SMG6: variants seen among roughly 807,000 people sequenced by gnomAD.
The protein encoded by SMG6 is telomerase-binding protein EST1A.
In SMG6, 66 loss-of-function variants were observed where a neutral mutation model predicts 142.2. The observed-to-expected ratio is 0.46, with a 90% confidence interval of 0.38 to 0.57. The LOEUF is 0.57. Among genes scored for constraint, SMG6 ranks in the 20% least tolerant of loss-of-function variants. SMG6 has a pLI of 0.00. For synonymous variants in SMG6, 779 were observed against 702.4 expected (o/e 1.11, Z -1.72); for missense variants, 1,793 against 1,832.0 (o/e 0.98, Z 0.39).
chr17:2,064,379 CA>C lies in SMG6; in HGVS notation c.4129+693del, dbSNP rs574706455. On this transcript the variant is annotated intron_variant, in intron 18 of 18. Coordinates refer to ENST00000263073, the MANE Select transcript of SMG6 (RefSeq NM_017575.5). Reference sequence around the variant, plus strand: ...AGCTCAGGGTTGAGGGTGAGGTGGTCAAGCGCTTGGGTGAGAAACCCAGAGT... The same window carrying C: ...AGCTCAGGGTTGAGGGTGAGGTGGTCAGCGCTTGGGTGAGAAACCCAGAGT... Among the ~76,000 whole-genome samples the C allele has an allele frequency of 8.8e-4, 134 of 152,152 alleles. No individual in the cohort carries two copies. In the Middle Eastern group the frequency reaches 0.01, roughly 12 times the overall value.
At chr17:2,134,996 C>T (rs2070247910) in intron 13 of SMG6, among the ~76,000 whole-genome samples, 2 of 152,146 alleles carry the variant, frequency 1.3e-5, no homozygotes, top group Non-Finnish European at 2.9e-5. Context: ...TCTCCTACCT[C>T]AGGCTCCCGA....
At chr17:2,072,337 A>G (rs888022762) in intron 15 of SMG6, among the ~76,000 whole-genome samples, 6 of 152,172 alleles carry the variant, frequency 3.9e-5, no homozygotes, top group African/African-American at 7.2e-5. Context: ...TTGGAACCCA[A>G]GCAACACACG....
intron 8 of SMG6, among the ~76,000 whole-genome samples, chr17:2,272,677 G>A (rs1248698063): frequency 6.6e-6 from 1 of 152,146 alleles, no homozygotes; most frequent in Non-Finnish European, 1.5e-5. Flanking sequence ...GGTGGCTCAT[G>A]CCTGTAATCC....
chr17:2,162,392 T>C (rs1449842854), intron 13 of SMG6, among the ~76,000 whole-genome samples: 4 of 151,836 alleles, frequency 2.6e-5, no homozygotes, highest in Non-Finnish European at 5.9e-5. Context: ...TGGGCGCCTA[T>C]AGTCCCAGCT....
intron 13 of SMG6, among the ~76,000 whole-genome samples, chr17:2,172,003 T>G (rs2071518167): frequency 6.6e-6 from 1 of 152,222 alleles, no homozygotes; most frequent in Non-Finnish European, 1.5e-5. Context: ...CCCCTACTCT[T>G]TACCTGGCTG....
Position 2,299,932 on chromosome 17 carries a change from G to C in SMG6, c.821C>G (p.Thr274Arg), listed in dbSNP as rs752186162. The change falls in exon 2 of 19, where the codon ACG becomes AGG. Residue 274 changes from threonine to arginine, a missense_variant. This residue lies in a region of SMG6 where 1,597 missense variants were observed against 1,584.6 expected (regional missense o/e 1.01). Coordinates refer to ENST00000263073, the MANE Select transcript of SMG6 (RefSeq NM_017575.5). This position sits in a 1 kb window ranked among gnomAD's most constrained non-coding sequence, Gnocchi z 4.3. The part of the protein sequence containing the change: ...SNNSAEGAGL[T>R]DNGCRRRRQD... ...TCGGCGGCGGCGACATCCATTATCC[G>C]TCAGGCCAGCTCCCTCAGCGCTGTT... 79 of 1,614,124 alleles carry C rather than the reference G, an allele frequency of 4.9e-5. No homozygotes were observed. Among genetic ancestry groups the C allele is most frequent in the Non-Finnish European group, 6.5e-5 (77 of 1,180,028 alleles).
At chr17:2,296,946 G>A (rs1267396192) in intron 4 of SMG6, among the ~76,000 whole-genome samples, 1 of 149,338 alleles carries the variant, frequency 6.7e-6, no homozygotes, top group Non-Finnish European at 1.5e-5. Context: ...AGGTTACAGT[G>A]AGCCAAGATC....
At chr17:2,292,670 T>A in intron 5 of SMG6, 40 bp from the exon 6 acceptor site, 1 of 1,605,158 alleles carries the variant, frequency 6.2e-7, no homozygotes, top group Non-Finnish European at 8.5e-7. Context: ...TAGTTCCAGA[T>A]TAGCTTTTTC....
intron 8 of SMG6, chr17:2,266,095 TCA>T: frequency 6.1e-6 from 6 of 985,412 alleles, no homozygotes; most frequent in Non-Finnish European, 7.2e-6. Context: ...TACTTTCTGT[TCA>T]CCATGCGTGC....
intron 18 of SMG6, chr17:2,063,355 C>T (rs751254291): frequency 1.4e-4 from 22 of 152,340 alleles, no homozygotes; most frequent in Middle Eastern, 3.4e-3. Flanking sequence ...CATTTAGTGA[C>T]GGTTTCTCTG....
chr17:2,158,897 G>GC (rs2071089802), intron 13 of SMG6, among the ~76,000 whole-genome samples: 1 of 111,766 alleles, frequency 8.9e-6, no homozygotes, highest in African/African-American at 3.2e-5. Flanking sequence ...TCAAGACTAT[G>GC]TTTAAAAAAA....
chr17:2,138,737 T>A (rs941291345), intron 13 of SMG6, among the ~76,000 whole-genome samples: 1 of 152,216 alleles, frequency 6.6e-6, no homozygotes, highest in African/African-American at 2.4e-5. Flanking sequence ...TCCACTGCAG[T>A]TACATATTCA....
Position 2,089,345 on chromosome 17 carries a change from C to T in SMG6, c.3358-3444G>A, listed in dbSNP as rs758539839. Among the ~76,000 whole-genome samples, 4 of 152,168 alleles carry T rather than the reference C, an allele frequency of 2.6e-5. No homozygotes were observed. In the East Asian group the frequency reaches 5.8e-4, roughly 22 times the overall value. Reference sequence around the variant, plus strand: ...TGGGGATAGAGGCGACTAAAAGGGCCGCCAGCCAGGGAACACCCTGGGGAG... The same window carrying T: ...TGGGGATAGAGGCGACTAAAAGGGCTGCCAGCCAGGGAACACCCTGGGGAG... On this transcript the variant is annotated intron_variant, in intron 13 of 18. Coordinates refer to ENST00000263073, the MANE Select transcript of SMG6 (RefSeq NM_017575.5).
In SMG6 at chr17:2,250,691, T is replaced by C. The variant is rs1001174301; in HGVS notation, c.2662-5972A>G. ...GAGTCACTGGTCCTGGCCCCATATATTTTTAAAAAAACAAAACTTTCTTGC... is the reference window on the plus strand; with the variant it reads ...GAGTCACTGGTCCTGGCCCCATATACTTTTAAAAAAACAAAACTTTCTTGC... On this transcript the variant is annotated intron_variant, in intron 8 of 18. Coordinates refer to ENST00000263073, the MANE Select transcript of SMG6 (RefSeq NM_017575.5). 2.6e-5 allele frequency among the ~76,000 whole-genome samples: 4 copies of C among 152,252 alleles called. No individual in the cohort carries two copies. The East Asian group carries it at 7.7e-4, about 29-fold the overall frequency.
intron 13 of SMG6, among the ~76,000 whole-genome samples, chr17:2,136,520 T>C (rs1002563057): frequency 2.0e-5 from 3 of 152,132 alleles, no homozygotes; most frequent in Non-Finnish European, 2.9e-5. Context: ...CCTTGGAAAG[T>C]CTCCATTTCC....
chr17:2,087,195 A>C lies in SMG6; in HGVS notation c.3358-1294T>G, dbSNP rs974718513. The C allele has an allele frequency of 1.3e-5, 17 of 1,290,352 alleles. No individual in the cohort carries two copies. In the Admixed American group the frequency reaches 3.4e-4, roughly 26 times the overall value. The allele number at this position is 1,290,352 out of a possible 1,614,324, so 79.9% of individuals were successfully genotyped here. ...TCGTACGTCACTGGCAAGAATTGTA[A>C]GGACAAGCTGTGCACACAGTAGGCT... is the stretch of plus-strand genomic sequence containing the variant. On this transcript the variant is annotated intron_variant, in intron 13 of 18. Transcript: ENST00000263073.
Position 2,299,683 on chromosome 17 carries a change from T to C in SMG6, c.1070A>G (p.Glu357Gly). The C allele has an allele frequency of 6.2e-7, 1 of 1,614,216 alleles. No homozygotes were observed. The highest frequency in any genetic ancestry group is 1.7e-5 in the Admixed American group (1 of 60,016). The change falls in exon 2 of 19, where the codon GAA (glutamate) becomes GGA (glycine). Residue 357 changes from glutamate (E) to glycine (G), a missense_variant. Physicochemically the swap from Glu to Gly is moderately conservative, Grantham distance 98. This residue lies in a region of SMG6 where 1,597 missense variants were observed against 1,584.6 expected (regional missense o/e 1.01). Coordinates refer to ENST00000263073, the MANE Select transcript of SMG6 (RefSeq NM_017575.5). The surrounding 1 kb of genome is among the most constrained non-coding windows in gnomAD (Gnocchi z 4.3). ...CATGGGAGACTCTTTGTTCATGGCT[T>C]CTGCATCGAAAGTGACACGAAGAGT... ...RGTLRVTFDA[E>G]AMNKESPMVR...
At position 2,229,973 on chromosome 17, in the gene SMG6, G is replaced by T. The variant is rs917483738; in HGVS notation, c.2869+6519C>A. 2.0e-5 allele frequency among the ~76,000 whole-genome samples: 3 copies of T among 151,798 alleles called. No homozygotes were observed. In the East Asian group the frequency reaches 5.8e-4, roughly 29 times the overall value. On this transcript the variant is annotated intron_variant, in intron 10 of 18. Transcript: ENST00000263073. ...GGCTGAGGTGGGCGGATCACTTGAG[G>T]TCAGGAGTTTGAGACCAGCCTGGCC...
Position 2,303,756 on chromosome 17 carries a change from C to G in SMG6, c.-36G>C. 1 of 1,473,824 alleles carries G rather than the reference C, an allele frequency of 6.8e-7. No homozygotes were observed. The highest frequency in any genetic ancestry group is 1.3e-5 in the South Asian group (1 of 78,586). 91.3% of individuals were successfully genotyped at this position (1,473,824 alleles called of 1,614,324 possible). ...GCTGCTACAGCCGTAGCGGCTCCGC[C>G]ACCGCCGCGCGCAGCCAGGAAACCA... On this transcript the variant is annotated 5_prime_UTR_variant, in exon 1 of 19. Coordinates refer to ENST00000263073, the MANE Select transcript of SMG6 (RefSeq NM_017575.5).
Sources: gnomAD v4.1 joint callset for allele counts (sites outside exome capture counted in the v4.1 genomes callset) on GRCh38, gnomAD v4.1.1 for gene constraint, gnomAD v4.1.1 regional missense constraint, Gnocchi (gnomAD v3.1) non-coding constraint, MANE v1.5 for transcripts, NCBI Gene and HGNC (gene_info 2026-07-23, HGNC 2026-07-21) for gene names.